Variants in COG3 observed in about 807,000 individuals in gnomAD.
COG3 encodes the protein component of oligomeric golgi complex 3.
In COG3, 32 loss-of-function variants were observed where a neutral mutation model predicts 114.1. The observed-to-expected ratio is 0.28, with a 90% confidence interval of 0.21 to 0.38. COG3 has a LOEUF of 0.38. Ranked by LOEUF, COG3 falls within the 10% of genes least tolerant of loss-of-function variation. The pLI is 1.00. For missense variants in COG3, 813 were observed against 973.2 expected, an observed-to-expected ratio of 0.84 and a Z score of 2.19; for synonymous variants, 352 against 365.7, an observed-to-expected ratio of 0.96 and a Z score of 0.43.
At chr13:45,529,997 T>C (rs1873027365) in intron 21 of COG3, 79 bp downstream of exon 21, 1 of 1,470,414 alleles carries the variant, frequency 6.8e-7, no homozygotes, top group South Asian at 1.4e-5. Context: ...TTCCTTTTGC[T>C]GTAGACATTT....
intron 22 of COG3, among the ~76,000 whole-genome samples, chr13:45,533,903 C>A (rs1238882603): frequency 6.6e-6 from 1 of 152,208 alleles, no homozygotes; most frequent in Non-Finnish European, 1.5e-5. Context: ...TGACAGCACT[C>A]ATTTATAAAT....
intron 14 of COG3, among the ~76,000 whole-genome samples, chr13:45,505,791 G>A (rs930310373): frequency 1.1e-4 from 16 of 151,822 alleles, no homozygotes; most frequent in African/African-American, 3.4e-4. Context: ...ATGGAGTCTC[G>A]CTATGTTGCC....
At chr13:45,503,459 C>T in intron 14 of COG3, 110 bp downstream of exon 14, 1 of 628,544 alleles carries the variant, frequency 1.6e-6, no homozygotes, top group South Asian at 2.0e-5. Context: ...TTTGAGGAGC[C>T]CACACTTTAT....
At chr13:45,505,047 C>T (rs983537746) in intron 14 of COG3, among the ~76,000 whole-genome samples, 2 of 151,650 alleles carry the variant, frequency 1.3e-5, no homozygotes, top group African/African-American at 2.4e-5. Context: ...GTTAGCCAGG[C>T]GTGGCTGCAT....
At position 45,496,439 on chromosome 13, in the gene COG3, C is replaced by T. The variant is rs577041470; in HGVS notation, c.1488+127C>T. On this transcript the variant is annotated intron_variant, in intron 13 of 22. Transcript: ENST00000349995. ...TTCCCCTTGTTGCCCAGGCTGGTCT[C>T]GAACTCCTGAGCTCAAGTGATCCAC... 7.8e-5 allele frequency: 53 copies of T among 680,866 alleles called. No individual in the cohort carries two copies. The Middle Eastern group carries it at 2.7e-3, about 35-fold the overall frequency. 42.2% of individuals were successfully genotyped at this position (680,866 alleles called of 1,614,324 possible).
chr13:45,505,490 A>T (rs2137866788), intron 14 of COG3, among the ~76,000 whole-genome samples: 1 of 151,970 alleles, frequency 6.6e-6, no homozygotes, highest in South Asian at 2.1e-4. Flanking sequence ...TTTAGTAGAG[A>T]TGGGGTTTCA....
At chr13:45,491,266 T>C (rs2137828500) in intron 9 of COG3, 146 bp from the exon 10 acceptor site, 1 of 712,474 alleles carries the variant, frequency 1.4e-6, no homozygotes, top group East Asian at 2.8e-5. Flanking sequence ...TGTGTCTGTA[T>C]TTCTAGTATT....
In COG3 at chr13:45,535,333, C is replaced by A. The variant is rs1367946120; in HGVS notation, c.*602C>A. ...TTTGATGTGAGGTAGTTTAAAGATA[C>A]AAGGACTTTGTGTGAAGCTCCAGCA... On this transcript the variant is annotated 3_prime_UTR_variant, in exon 23 of 23. Coordinates refer to ENST00000349995, the MANE Select transcript of COG3 (RefSeq NM_031431.4). The A allele has an allele frequency of 1.6e-5, 16 of 985,286 alleles. No homozygotes were observed. Among genetic ancestry groups the A allele is most frequent in the Non-Finnish European group, 1.8e-5 (15 of 829,948 alleles). 61.0% of individuals were successfully genotyped at this position (985,286 alleles called of 1,614,324 possible). A position where few individuals can be genotyped will look rare whatever the true frequency, so the allele number is the denominator to read the frequency against.
At chr13:45,505,592 A>C (rs1232011565) in intron 14 of COG3, among the ~76,000 whole-genome samples, 1 of 151,746 alleles carries the variant, frequency 6.6e-6, no homozygotes, top group Non-Finnish European at 1.5e-5. Flanking sequence ...GGCGTGAGCC[A>C]CTGCGCCTGA....
intron 1 of COG3, among the ~76,000 whole-genome samples, chr13:45,474,559 C>G (rs928944492): frequency 2.0e-4 from 30 of 151,996 alleles, no homozygotes; most frequent in Admixed American, 9.2e-4. Flanking sequence ...AGTAATTTGC[C>G]CCATGTCACA....
intron 1 of COG3, among the ~76,000 whole-genome samples, chr13:45,472,995 G>A (rs1240756734): frequency 2.0e-5 from 3 of 151,898 alleles, no homozygotes; most frequent in African/African-American, 4.8e-5. Flanking sequence ...TCAGCCTCCC[G>A]AGTAGCTGGG....
At chr13:45,501,089 G>T (rs1020582389) in intron 13 of COG3, among the ~76,000 whole-genome samples, 1 of 152,210 alleles carries the variant, frequency 6.6e-6, no homozygotes, top group Non-Finnish European at 1.5e-5. Context: ...TATTGAACTT[G>T]ACCATCTGGC....
chr13:45,521,251 T>C (rs1872102633), intron 19 of COG3, among the ~76,000 whole-genome samples: 1 of 152,224 alleles, frequency 6.6e-6, no homozygotes, highest in Admixed American at 6.5e-5. Flanking sequence ...TACATGCGTA[T>C]AGCAGGGATC....
chr13:45,529,254 G>C (rs1247298622), intron 20 of COG3, among the ~76,000 whole-genome samples: 2 of 152,034 alleles, frequency 1.3e-5, no homozygotes, highest in Admixed American at 1.3e-4. Context: ...TGACACTTGG[G>C]TTTCATAGTT....
intron 17 of COG3, 50 bp from the exon 18 acceptor site, chr13:45,518,712 T>C: frequency 7.1e-7 from 1 of 1,406,972 alleles, no homozygotes. Flanking sequence ...ACTCATGGCT[T>C]TGCTGTTGAA....
At chr13:45,492,360 C>A in intron 11 of COG3, 110 bp downstream of exon 11, 1 of 580,366 alleles carries the variant, frequency 1.7e-6, no homozygotes, top group Non-Finnish European at 3.0e-6. Flanking sequence ...AATGTTTTAA[C>A]TTGTTTGTGT....
At position 45,533,108 on chromosome 13, in the gene COG3, C is replaced by T. The variant is rs1873313332; in HGVS notation, c.2458-1594C>T. ...GCTCATGGATGTGCTCTTCTGAGTGCTTCACGTTTCTGAGTGAAATAAGAA... is the reference window on the plus strand; with the variant it reads ...GCTCATGGATGTGCTCTTCTGAGTGTTTCACGTTTCTGAGTGAAATAAGAA... On this transcript the variant is annotated intron_variant, in intron 22 of 22. Transcript: ENST00000349995. Among the ~76,000 whole-genome samples, 4 of 151,852 alleles carry T rather than the reference C, an allele frequency of 2.6e-5. No homozygotes were observed. The South Asian group carries it at 8.3e-4, about 32-fold the overall frequency.
intron 20 of COG3, 80 bp from the exon 21 acceptor site, chr13:45,529,711 C>T (rs1872999569): frequency 5.9e-6 from 6 of 1,021,762 alleles, no homozygotes; most frequent in South Asian, 5.8e-5. Flanking sequence ...TTTTTTTCTC[C>T]CTTTATTCCC....
intron 14 of COG3, 41 bp from the exon 15 acceptor site, chr13:45,509,651 C>T: frequency 6.2e-7 from 1 of 1,603,300 alleles, no homozygotes; most frequent in Non-Finnish European, 8.5e-7. Flanking sequence ...GACAAATATC[C>T]ACATGTGTGA....
Sources: gnomAD v4.1 joint callset for allele counts (sites outside exome capture counted in the v4.1 genomes callset) on GRCh38, gnomAD v4.1.1 for gene constraint, MANE v1.5 for transcripts, NCBI Gene and HGNC (gene_info 2026-07-23, HGNC 2026-07-21) for gene names.